MUSK: variants seen among roughly 807,000 people sequenced by gnomAD.
The protein encoded by MUSK is muscle, skeletal receptor tyrosine-protein kinase.
Under a neutral mutation model 88.7 loss-of-function variants are expected in MUSK, and 55 were observed. That is an observed-to-expected ratio of 0.62 (90% confidence interval 0.50 to 0.78). MUSK has a LOEUF of 0.78. MUSK is among the 30% of genes least tolerant of loss of function. The pLI is 0.00. For missense variants in MUSK, 1,015 were observed against 1,074.3 expected, an observed-to-expected ratio of 0.94 and a Z score of 0.77; for synonymous variants, 387 against 391.9, an observed-to-expected ratio of 0.99 and a Z score of 0.15.
chr9:110,703,863 T>C (rs2076561990), intron 5 of MUSK, among the ~76,000 whole-genome samples: 1 of 152,166 alleles, frequency 6.6e-6, no homozygotes, highest in East Asian at 1.9e-4. Context: ...AAGACTTAAA[T>C]CTTCAAGTAC....
intron 8 of MUSK, among the ~76,000 whole-genome samples, chr9:110,766,028 A>G (rs1475442147): frequency 6.6e-6 from 1 of 151,830 alleles, no homozygotes; most frequent in Non-Finnish European, 1.5e-5. Flanking sequence ...TCTGTGCAGC[A>G]CTCACTCCTC....
At chr9:110,768,137 CAGA>C (rs1248324302) in intron 9 of MUSK, 54 bp downstream of exon 9, 59 of 1,508,060 alleles carry the variant, frequency 3.9e-5, no homozygotes, top group Non-Finnish European at 5.2e-5. Flanking sequence ...ATCTGCACAA[CAGA>C]AGGAGTTTTT....
intron 1 of MUSK, among the ~76,000 whole-genome samples, chr9:110,678,190 C>A (rs1262915385): frequency 2.6e-5 from 4 of 152,162 alleles, no homozygotes; most frequent in Admixed American, 6.5e-5. Flanking sequence ...CAGCTCACTG[C>A]AGCCTTGACC....
At chr9:110,675,037 G>T (rs2131628527) in intron 1 of MUSK, among the ~76,000 whole-genome samples, 1 of 152,130 alleles carries the variant, frequency 6.6e-6, no homozygotes, top group African/African-American at 2.4e-5. Context: ...TGCTCCATGT[G>T]GACCAAGGAC....
intron 6 of MUSK, among the ~76,000 whole-genome samples, chr9:110,738,173 CT>C (rs1024365163): frequency 6.6e-6 from 1 of 152,110 alleles, no homozygotes; most frequent in African/African-American, 2.4e-5. Context: ...CAAATCACCT[CT>C]TTTTATCTTC....
chr9:110,742,273 TGAAAACCTC>T (rs2077111364), intron 6 of MUSK, among the ~76,000 whole-genome samples: 1 of 151,994 alleles, frequency 6.6e-6, no homozygotes, highest in African/African-American at 2.4e-5. Flanking sequence ...GCTAACACGG[TGAAAACCTC>T]GTATCTACTA....
At chr9:110,714,623 G>A (rs2131782294) in intron 5 of MUSK, among the ~76,000 whole-genome samples, 1 of 152,272 alleles carries the variant, frequency 6.6e-6, no homozygotes, top group South Asian at 2.1e-4. Flanking sequence ...AGTCAGGAAA[G>A]AGAAACCAGG....
intron 3 of MUSK, among the ~76,000 whole-genome samples, chr9:110,693,769 C>G (rs2131707040): frequency 6.6e-6 from 1 of 152,288 alleles, no homozygotes; most frequent in Non-Finnish European, 1.5e-5. Flanking sequence ...AAGACATTAT[C>G]TGTGCCTCAG....
chr9:110,760,841 GA>G (rs2077388133), intron 7 of MUSK, among the ~76,000 whole-genome samples: 2 of 152,110 alleles, frequency 1.3e-5, no homozygotes, highest in African/African-American at 4.8e-5. Flanking sequence ...ATCTCAAAGA[GA>G]ATGATTAGAA....
intron 9 of MUSK, among the ~76,000 whole-genome samples, chr9:110,770,942 CTA>C (rs368367863): frequency 1.2e-4 from 18 of 151,896 alleles, no homozygotes; most frequent in African/African-American, 4.3e-4. Flanking sequence ...TAGAGTTGAA[CTA>C]TGTAATTTTT....
chr9:110,684,440 T>C (rs1042710467), intron 2 of MUSK, among the ~76,000 whole-genome samples: 30 of 151,964 alleles, frequency 2.0e-4, no homozygotes, highest in African/African-American at 6.5e-4. Flanking sequence ...GTTTTTTTCT[T>C]TTTTCTTTTG....
intron 7 of MUSK, among the ~76,000 whole-genome samples, chr9:110,752,577 C>T (rs1587992192): frequency 6.6e-6 from 1 of 152,248 alleles, no homozygotes; most frequent in African/African-American, 2.4e-5. Context: ...TCCATCCTCC[C>T]CTATGTGACT....
chr9:110,788,349 C>T (rs1265441053), intron 14 of MUSK, among the ~76,000 whole-genome samples: 2 of 151,998 alleles, frequency 1.3e-5, no homozygotes, highest in East Asian at 1.9e-4. Context: ...TCTGTGCTCT[C>T]GGCTGGGAGC....
In MUSK at chr9:110,805,869, T is replaced by G. The variant is rs1364347787; in HGVS notation, c.*4881T>G. Among the ~76,000 whole-genome samples, 1 of 152,014 alleles carries G rather than the reference T, an allele frequency of 6.6e-6. No homozygotes were observed. Among genetic ancestry groups the G allele is most frequent in the Non-Finnish European group, 1.5e-5 (1 of 67,888 alleles). ...TTCATAAAATTAAAAGTTTATCATTTTCATCTCTGTTAGAGTTTTGTATTG... is the reference window on the plus strand; with the variant it reads ...TTCATAAAATTAAAAGTTTATCATTGTCATCTCTGTTAGAGTTTTGTATTG... On this transcript the variant is annotated 3_prime_UTR_variant, in exon 15 of 15. Transcript: ENST00000374448.
At position 110,762,304 on chromosome 9, in the gene MUSK, A is replaced by G. The variant is rs1375120208; in HGVS notation, c.920+96A>G. The G allele has an allele frequency of 5.5e-6, 5 of 914,078 alleles. No homozygotes were observed. In the African/African-American group the frequency reaches 8.4e-5, roughly 15 times the overall value. 56.6% of individuals were successfully genotyped at this position (914,078 alleles called of 1,614,324 possible). ...TCTGTGAGAGGGTCTTGTGTTGCCCAGGCTGGAGTGCGGTGGAGTATGTTT... is the reference window on the plus strand; with the variant it reads ...TCTGTGAGAGGGTCTTGTGTTGCCCGGGCTGGAGTGCGGTGGAGTATGTTT... On this transcript the variant is annotated intron_variant, in intron 8 of 14. Coordinates refer to ENST00000374448, the MANE Select transcript of MUSK (RefSeq NM_005592.4).
At chr9:110,728,641 T>C in intron 5 of MUSK, 1 of 1,240,084 alleles carries the variant, frequency 8.1e-7, no homozygotes, top group Non-Finnish European at 1.2e-6. Context: ...GTTGTTTTGT[T>C]TGCGTGTTTA....
At chr9:110,744,337 G>A (rs1263134564) in intron 6 of MUSK, among the ~76,000 whole-genome samples, 3 of 152,196 alleles carry the variant, frequency 2.0e-5, no homozygotes, top group Non-Finnish European at 4.4e-5. Context: ...CAGGGCCATT[G>A]AGGCCAGAAT....
At chr9:110,753,866 A>G (rs2077279469) in intron 7 of MUSK, among the ~76,000 whole-genome samples, 1 of 152,232 alleles carries the variant, frequency 6.6e-6, no homozygotes, top group African/African-American at 2.4e-5. Context: ...ACAGAAAAAA[A>G]AAATGGAACT....
chr9:110,750,083 GGA>G (rs919794903), intron 7 of MUSK, among the ~76,000 whole-genome samples: 51 of 64,914 alleles, frequency 7.9e-4, no homozygotes, highest in African/African-American at 2.2e-3. Flanking sequence ...ACACACACAT[GGA>G]GAGAGAGAGA....
Sources: allele counts gnomAD v4.1 joint callset (sites outside exome capture counted in the v4.1 genomes callset), GRCh38; gene constraint gnomAD v4.1.1; transcripts MANE v1.5; gene names NCBI Gene and HGNC (gene_info 2026-07-23, HGNC 2026-07-21).